The following NID2 variants were observed in gnomAD, a reference collection of about 807,000 sequenced individuals.
The protein encoded by NID2 is nidogen 2.
Under a neutral mutation model 145.4 loss-of-function variants are expected in NID2, and 83 were observed. The ratio of observed to expected loss-of-function variants is 0.57; its 90% CI spans 0.48 to 0.69. The LOEUF is 0.69. Among genes scored for constraint, NID2 ranks in the 30% least tolerant of loss-of-function variants. NID2 has a pLI of 0.00. For synonymous variants in NID2, 739 were observed against 701.3 expected (o/e 1.05, Z -0.85); for missense variants, 1,807 against 1,765.7 (o/e 1.02, Z -0.42).
Position 52,007,905 on chromosome 14 carries a change from C to T in NID2, c.3785G>A (p.Gly1262Glu). The change falls in exon 19 of 22, where the codon GGA (glycine) becomes GAA (glutamate). Residue 1262 changes from glycine (G) to glutamate (E), a missense_variant. Coordinates refer to ENST00000216286, the MANE Select transcript of NID2 (RefSeq NM_007361.4). ...APKIETSSLD[G>E]ENRRILINTD... is the part of the protein sequence containing the mutation. ...ATTGATCAGAATTCTTCTGTTTTCT[C>T]CATCTAAAGATGACGTTTCAATTTT... 1 of 1,613,872 alleles carries T rather than the reference C, an allele frequency of 6.2e-7. No homozygotes were observed. The highest frequency in any genetic ancestry group is 1.3e-5 in the African/African-American group (1 of 75,034).
intron 14 of NID2, among the ~76,000 whole-genome samples, chr14:52,017,161 T>G (rs997743657): frequency 6.6e-6 from 1 of 152,168 alleles, no homozygotes; most frequent in African/African-American, 2.4e-5. Context: ...ATTTTTGCTT[T>G]AAGGGACCAC....
intron 14 of NID2, among the ~76,000 whole-genome samples, chr14:52,016,213 A>G (rs957638401): frequency 2.0e-5 from 3 of 152,220 alleles, no homozygotes; most frequent in Non-Finnish European, 4.4e-5. Flanking sequence ...TCTGCTGCAG[A>G]AGGTTATTGA....
intron 15 of NID2, 85 bp downstream of exon 15, chr14:52,014,969 G>A: frequency 9.0e-7 from 1 of 1,106,628 alleles, no homozygotes; most frequent in Non-Finnish European, 1.3e-6. Context: ...GACCCCACAT[G>A]TCCCCCCACT....
At chr14:52,059,243 C>A (rs1448205408) in intron 3 of NID2, among the ~76,000 whole-genome samples, 1 of 152,152 alleles carries the variant, frequency 6.6e-6, no homozygotes, top group Non-Finnish European at 1.5e-5. Flanking sequence ...TCTGAGTAAG[C>A]AAACCTGGCT....
At chr14:52,028,477 T>C in intron 11 of NID2, 2 of 321,570 alleles carry the variant, frequency 6.2e-6, no homozygotes, top group Non-Finnish European at 1.1e-5. Flanking sequence ...GGTTTTGCTA[T>C]GTTGCCCAGG....
chr14:52,053,057 A>G (rs527576555), intron 5 of NID2, among the ~76,000 whole-genome samples: 2 of 152,310 alleles, frequency 1.3e-5, no homozygotes, highest in South Asian at 4.1e-4. Flanking sequence ...ACAGGTGTTT[A>G]GTCATTTTCT....
At position 52,060,112 on chromosome 14, in the gene NID2, A is replaced by T. The variant is rs376707197; in HGVS notation, c.767+12T>A. ...TTCAAATAGGAAAGGGCTTCAGCTC[A>T]ATGTTACTTACTGATAGAGATTTTT... On this transcript the variant is annotated intron_variant, in intron 3 of 21. Transcript: ENST00000216286. 25 of 1,575,770 alleles carry T rather than the reference A, an allele frequency of 1.6e-5. No homozygotes were observed. Among genetic ancestry groups the T allele is most frequent in the Non-Finnish European group, 2.2e-5 (25 of 1,148,694 alleles).
chr14:52,023,236 G>A (rs1448965044), intron 12 of NID2, among the ~76,000 whole-genome samples: 1 of 152,126 alleles, frequency 6.6e-6, no homozygotes, highest in Non-Finnish European at 1.5e-5. Flanking sequence ...CAGCACTTTG[G>A]GAGGCTGAGG....
chr14:52,014,052 T>C (rs1891124370), intron 16 of NID2: 2 of 581,584 alleles, frequency 3.4e-6, no homozygotes. Context: ...TTCCATATTA[T>C]CTGAAACTCC....
chr14:52,060,138 C>T lies in NID2; in HGVS notation c.753G>A (p.Val251=), dbSNP rs1892974698. ...YFSLTSTEQS[V]KNLYQLSNLG... is the part of the protein sequence containing the mutation. ...ATGTTACTTACTGATAGAGATTTTT[C>T]ACAGACTGTTCAGTGCTAGTCAAGC... Residue 251 remains valine (V), a synonymous_variant, in exon 3 of 22, where the codon GTG becomes GTA. Transcript: ENST00000216286. The T allele has an allele frequency of 2.5e-6, 4 of 1,602,354 alleles. No individual in the cohort carries two copies. In the East Asian group the frequency reaches 9.0e-5, roughly 36 times the overall value.
Position 52,067,938 on chromosome 14 carries a change from G to T in NID2, c.454C>A (p.Pro152Thr). Residue 152 changes from proline to threonine, a missense_variant, in exon 2 of 22, where the codon CCC becomes ACC. By Grantham distance (38) the Pro-to-Thr change is conservative. Coordinates refer to ENST00000216286, the MANE Select transcript of NID2 (RefSeq NM_007361.4). ...CAGGTGGCCAGGAAGGCGTGGGTGG[G>T]GGTAAAGCGCGCAGAGCGCGGGAAG... ...AGFPRSARFT[P>T]THAFLATWEQ... 1 of 1,612,088 alleles carries T rather than the reference G, an allele frequency of 6.2e-7. No individual in the cohort carries two copies. The highest frequency in any genetic ancestry group is 8.5e-7 in the Non-Finnish European group (1 of 1,179,424).
chr14:52,061,083 C>T (rs1893008960), intron 2 of NID2, among the ~76,000 whole-genome samples: 1 of 152,162 alleles, frequency 6.6e-6, no homozygotes, highest in African/African-American at 2.4e-5. Context: ...GAGTTGTAAC[C>T]TGGCTGCATA....
At chr14:52,017,753 CAA>C (rs1447247213) in intron 14 of NID2, among the ~76,000 whole-genome samples, 2 of 151,954 alleles carry the variant, frequency 1.3e-5, no homozygotes, top group Non-Finnish European at 2.9e-5. Flanking sequence ...AAAATAGAAA[CAA>C]AGAGCGACTA....
chr14:52,048,363 C>A (rs1480762499), intron 5 of NID2, among the ~76,000 whole-genome samples: 1 of 152,104 alleles, frequency 6.6e-6, no homozygotes, highest in Non-Finnish European at 1.5e-5. Context: ...TTATCCAGGG[C>A]GAGAAAAGCC....
chr14:52,037,798 T>TTA (rs1892126412), intron 9 of NID2, among the ~76,000 whole-genome samples: 1 of 152,228 alleles, frequency 6.6e-6, no homozygotes, highest in Non-Finnish European at 1.5e-5. Flanking sequence ...ATCTTCCCAT[T>TTA]TAACTGGGTC....
chr14:52,029,444 G>A (rs1472853349), intron 10 of NID2, 103 bp downstream of exon 10: 1 of 1,051,068 alleles, frequency 9.5e-7, no homozygotes, highest in African/African-American at 1.6e-5. Flanking sequence ...TGACAATGGA[G>A]GTTGTAAAGG....
chr14:52,036,424 T>G (rs1478702952), intron 9 of NID2, among the ~76,000 whole-genome samples: 1 of 152,238 alleles, frequency 6.6e-6, no homozygotes, highest in Non-Finnish European at 1.5e-5. Flanking sequence ...GGCATGTATG[T>G]TGCTTCCACC....
At position 52,054,086 on chromosome 14, in the gene NID2, C is replaced by T. The variant is rs560125845; in HGVS notation, c.1003G>A (p.Ala335Thr). The change falls in exon 4 of 22, where the codon GCA (alanine) becomes ACA (threonine). Residue 335 changes from alanine to threonine, a missense_variant. Physicochemically the swap from Ala to Thr is moderately conservative, Grantham distance 58. Transcript: ENST00000216286. ...TCAATGCTGCTGTGGCCATTCAATG[C>T]CTCCTCTGGTTCACCCGGAAGGTAT... ...AEYLPGEPEEALNGHSSIDVS... is the reference protein window; with the variant it reads ...AEYLPGEPEETLNGHSSIDVS... The T allele has an allele frequency of 5.0e-6, 8 of 1,614,174 alleles. No individual in the cohort carries two copies. In the African/African-American group the frequency reaches 8.0e-5, roughly 16 times the overall value.
Position 52,020,579 on chromosome 14 carries a change from G to GT in NID2, c.2675-402dup, listed in dbSNP as rs199604462. On this transcript the variant is annotated intron_variant, in intron 12 of 21. Coordinates refer to ENST00000216286, the MANE Select transcript of NID2 (RefSeq NM_007361.4). ...ATAAAGACAAATATATCCAACAATG[G>GT]TTTTTTTTTCTTTCGTTGTTGGCAC... 1.6e-3 allele frequency among the ~76,000 whole-genome samples: 245 copies of GT among 151,212 alleles called. 3 individuals are homozygous for GT. Among genetic ancestry groups the GT allele is most frequent in the East Asian group, 5.8e-3 (30 of 5,154 alleles).
Sources: allele counts gnomAD v4.1 joint callset (sites outside exome capture counted in the v4.1 genomes callset), GRCh38; gene constraint gnomAD v4.1.1; transcripts MANE v1.5; gene names NCBI Gene and HGNC (gene_info 2026-07-23, HGNC 2026-07-21).